ADD2: variants seen among roughly 807,000 people sequenced by gnomAD.
ADD2 encodes beta-adducin.
A neutral mutation model predicts 83.0 loss-of-function variants in ADD2; 23 were observed. The observed-to-expected ratio is 0.28, with a 90% CI of 0.20 to 0.39. The LOEUF (loss-of-function observed/expected upper bound fraction) is 0.39. Ranked by LOEUF, ADD2 falls within the 10% of genes least tolerant of loss-of-function variation. ADD2 has a pLI of 1.00. For synonymous variants in ADD2, 375 were observed against 375.4 expected (o/e 1.00, Z 0.01); for missense variants, 758 against 944.9 (o/e 0.80, Z 2.59).
intron 1 of ADD2, among the ~76,000 whole-genome samples, chr2:70,733,680 T>C (rs962764234): frequency 2.6e-5 from 4 of 152,166 alleles, no homozygotes; most frequent in Admixed American, 6.5e-5. Context: ...GTTCTGGGTA[T>C]GGTAAAATGT....
At chr2:70,756,815 C>A (rs1194951447) in intron 1 of ADD2, among the ~76,000 whole-genome samples, 1 of 151,996 alleles carries the variant, frequency 6.6e-6, no homozygotes, top group Non-Finnish European at 1.5e-5. Flanking sequence ...TAAGCTTCAA[C>A]CTTGAGGGTT....
chr2:70,664,730 A>T (rs535816725), intron 15 of ADD2, among the ~76,000 whole-genome samples: 20 of 148,082 alleles, frequency 1.4e-4, no homozygotes, highest in Non-Finnish European at 3.0e-4. Flanking sequence ...AGTGTGTGTG[A>T]GTGTGCAAGT....
chr2:70,669,565 G>A (rs574562756), intron 15 of ADD2, among the ~76,000 whole-genome samples: 14 of 152,308 alleles, frequency 9.2e-5, no homozygotes, highest in Non-Finnish European at 1.2e-4. Flanking sequence ...GTTCCTCTAA[G>A]TACCCAAATA....
rs1553365377 is a variant in ADD2 at position 70,663,293 on chromosome 2, T to C, written c.*132A>G. 19 of 1,072,838 alleles carry C rather than the reference T, an allele frequency of 1.8e-5. No homozygotes were observed. Among genetic ancestry groups the C allele is most frequent in the Non-Finnish European group, 2.6e-5 (19 of 740,216 alleles). The allele number at this position is 1,072,838 out of a possible 1,614,324, so 66.5% of individuals were successfully genotyped here. ...AACGAAGGGTTGGTCGGGTGATCTC[T>C]AAGTTCCCCTTCCGAATGTGGTCCA... On this transcript the variant is annotated 3_prime_UTR_variant, in exon 16 of 16. Coordinates refer to ENST00000264436, the MANE Select transcript of ADD2 (RefSeq NM_001617.4).
chr2:70,742,400 G>A (rs1473031798), intron 1 of ADD2, among the ~76,000 whole-genome samples: 3 of 152,000 alleles, frequency 2.0e-5, no homozygotes, highest in Admixed American at 2.0e-4. Flanking sequence ...TCTTGACAAG[G>A]CAGAACTAAG....
rs901422254 is a variant in ADD2 at position 70,659,218 on chromosome 2, T to C, written c.*4207A>G. ...GTCATGCAGACCTATGCGTAGGCTG[T>C]GTGTTTACCCTCCACATACCTTCAT... On this transcript the variant is annotated 3_prime_UTR_variant, in exon 16 of 16. Coordinates refer to ENST00000264436, the MANE Select transcript of ADD2 (RefSeq NM_001617.4). The C allele has an allele frequency of 6.0e-5, 9 of 149,586 alleles. No individual in the cohort carries two copies. Among genetic ancestry groups the C allele is most frequent in the African/African-American group, 2.2e-4 (9 of 40,734 alleles). 9.3% of individuals were successfully genotyped at this position (149,586 alleles called of 1,614,324 possible). A position where few individuals can be genotyped will look rare whatever the true frequency, so the allele number is the denominator to read the frequency against.
At chr2:70,712,121 C>A (rs782616940) in intron 2 of ADD2, among the ~76,000 whole-genome samples, 21 of 152,092 alleles carry the variant, frequency 1.4e-4, no homozygotes, top group African/African-American at 5.1e-4. Flanking sequence ...TCTATGAGGT[C>A]GATATTATTG....
At chr2:70,682,851 T>C (rs1318910117) in intron 10 of ADD2, among the ~76,000 whole-genome samples, 2 of 152,184 alleles carry the variant, frequency 1.3e-5, no homozygotes, top group African/African-American at 4.8e-5. Context: ...TTCATTACAA[T>C]AGGATATTGT....
rs1268820614 is a variant in ADD2, at chr2:70,663,665, C to T, written c.1941G>A (p.Val647=). 30 of 1,613,982 alleles carry T rather than the reference C, an allele frequency of 1.9e-5. No individual in the cohort carries two copies. Among genetic ancestry groups the T allele is most frequent in the Non-Finnish European group, 2.5e-5 (30 of 1,180,030 alleles). The change falls in exon 16 of 16, where the codon GTG becomes GTA. Residue 647 remains valine, a synonymous_variant. Coordinates refer to ENST00000264436, the MANE Select transcript of ADD2 (RefSeq NM_001617.4). ...TEPETTQPEG[V]VVNGREEEQT... is the part of the protein sequence containing the mutation. ...GCTCCTCCTCCCTCCCGTTGACCAC[C>T]ACCCCTTCCGGCTGGGTTGTTTCGG...
chr2:70,684,747 G>T lies in ADD2; in HGVS notation c.949-980C>A, dbSNP rs556403694. ...AGTGTACAGCCAAGCACTGTGCAGG[G>T]GTGAGAGTTCCCACACATGGACTTA... On this transcript the variant is annotated intron_variant, in intron 9 of 15. Transcript: ENST00000264436. 3.9e-5 allele frequency among the ~76,000 whole-genome samples: 6 copies of T among 152,324 alleles called. No individual in the cohort carries two copies. The South Asian group carries it at 1.2e-3, about 32-fold the overall frequency.
At position 70,762,707 on chromosome 2, in the gene ADD2, CT is replaced by C. The variant is rs1174014005; in HGVS notation, c.-154+5178del. ...GGAAAGCGGTCAAAAATTTCATTTTCTTTTTTTTTTTTTTGGAGATGGAGTT... is the reference window on the plus strand; with the variant it reads ...GGAAAGCGGTCAAAAATTTCATTTTCTTTTTTTTTTTTTGGAGATGGAGTT... On this transcript the variant is annotated intron_variant, in intron 1 of 15. Transcript: ENST00000264436. Among the ~76,000 whole-genome samples, 342 of 138,314 alleles carry C rather than the reference CT, an allele frequency of 2.5e-3. 3 individuals carry two copies. Among genetic ancestry groups the C allele is most frequent in the African/African-American group, 4.1e-3 (156 of 37,710 alleles). 90.7% of individuals were successfully genotyped at this position (138,314 alleles called of 152,430 possible).
intron 1 of ADD2, among the ~76,000 whole-genome samples, chr2:70,734,665 G>A (rs1266630704): frequency 1.3e-5 from 2 of 152,234 alleles, no homozygotes; most frequent in African/African-American, 4.8e-5. Context: ...TTGGGGATAT[G>A]CTCTGTGGAA....
chr2:70,691,505 A>G (rs191791050), intron 7 of ADD2: 8 of 152,346 alleles, frequency 5.3e-5, no homozygotes, highest in African/African-American at 1.7e-4. Context: ...GGACAATACA[A>G]GTGCTGGGGA....
At position 70,688,111 on chromosome 2, in the gene ADD2, T is replaced by G; in HGVS notation, c.861A>C (p.Leu287=). The part of the protein sequence containing the change: ...CLGPTCKILV[L]RNHGVVALGD... ...CCAGAGCAACCACTCCATGGTTTCT[T>G]AGCACCAGGATCTGTAGAGAAATAA... Residue 287 remains leucine, a synonymous_variant, in exon 9 of 16, where the codon CTA becomes CTC. Coordinates refer to ENST00000264436, the MANE Select transcript of ADD2 (RefSeq NM_001617.4). 6.2e-7 allele frequency: 1 copy of G among 1,613,952 alleles called. No homozygotes were observed. Among genetic ancestry groups the G allele is most frequent in the Non-Finnish European group, 8.5e-7 (1 of 1,179,820 alleles).
At chr2:70,723,090 T>G (rs370777446) in intron 1 of ADD2, among the ~76,000 whole-genome samples, 1 of 152,194 alleles carries the variant, frequency 6.6e-6, no homozygotes, top group South Asian at 2.1e-4. Flanking sequence ...CCCAGGGAAT[T>G]GGTTCCACCA....
At chr2:70,695,997 A>G (rs1380786696) in intron 5 of ADD2, among the ~76,000 whole-genome samples, 196 bp from the exon 6 acceptor site, 2 of 152,222 alleles carry the variant, frequency 1.3e-5, no homozygotes, top group Non-Finnish European at 2.9e-5. Context: ...GAGCTACAAA[A>G]GGAAACTCAC....
chr2:70,690,665 A>C, intron 8 of ADD2, 121 bp downstream of exon 8: 1 of 1,184,458 alleles, frequency 8.4e-7, no homozygotes, highest in Admixed American at 2.8e-5. Context: ...TGGGATAGAG[A>C]TCTTTCTTTT....
chr2:70,672,998 C>CT lies in ADD2; in HGVS notation c.1749dup (p.Glu584ArgfsTer44). On this transcript the variant is annotated frameshift_variant, in exon 15 of 16. Transcript: ENST00000264436. LOFTEE classifies it high-confidence loss of function. Reference sequence around the variant, plus strand: ...GAGCCAGGCTCTTCTGGGGCAGTTTCTTTCTCTCCTGAAAAAACAGAAAAA... The same window carrying CT: ...GAGCCAGGCTCTTCTGGGGCAGTTTCTTTTCTCTCCTGAAAAAACAGAAAAA... 6.2e-7 allele frequency: 1 copy of CT among 1,612,896 alleles called. No homozygotes were observed. The highest frequency in any genetic ancestry group is 8.5e-7 in the Non-Finnish European group (1 of 1,179,742).
chr2:70,687,776 G>T (rs1553370768), intron 9 of ADD2, among the ~76,000 whole-genome samples: 1 of 152,214 alleles, frequency 6.6e-6, no homozygotes, highest in African/African-American at 2.4e-5. Flanking sequence ...ACTGGGCACT[G>T]ACCCCTAAGA....
Sources: gnomAD v4.1 joint callset for allele counts (sites outside exome capture counted in the v4.1 genomes callset) on GRCh38, gnomAD v4.1.1 for gene constraint, MANE v1.5 for transcripts, NCBI Gene and HGNC (gene_info 2026-07-23, HGNC 2026-07-21) for gene names.